Variants in MON2 observed in about 807,000 individuals in gnomAD.
MON2 encodes protein MON2 homolog.
In MON2, 84 loss-of-function variants were observed where a neutral mutation model predicts 208.6. The observed-to-expected ratio is 0.40, with a 90% CI of 0.34 to 0.48. The LOEUF is 0.48. MON2 is among the 20% of genes least tolerant of loss of function. MON2 has a pLI of 0.59. For synonymous variants in MON2, 660 were observed against 694.0 expected (o/e 0.95, Z 0.77); for missense variants, 1,611 against 2,015.4 (o/e 0.80, Z 3.84).
At chr12:62,532,143 A>G (rs1159288448) in intron 11 of MON2, among the ~76,000 whole-genome samples, 4 of 152,144 alleles carry the variant, frequency 2.6e-5, no homozygotes, top group Non-Finnish European at 5.9e-5. Context: ...TGTCAGTCTT[A>G]ATTTTTCTAA....
chr12:62,519,661 T>G (rs1179301010), intron 8 of MON2, among the ~76,000 whole-genome samples: 1 of 152,268 alleles, frequency 6.6e-6, no homozygotes, highest in Non-Finnish European at 1.5e-5. Flanking sequence ...ATCTTTTGTC[T>G]TCATTCTGTT....
At chr12:62,520,945 AAATC>A (rs1419579781) in intron 8 of MON2, among the ~76,000 whole-genome samples, 2 of 149,684 alleles carry the variant, frequency 1.3e-5, no homozygotes, top group Admixed American at 6.7e-5. Context: ...AGATTTAACA[AAATC>A]AATCTATTTT....
intron 5 of MON2, among the ~76,000 whole-genome samples, chr12:62,500,457 T>C (rs960374073): frequency 2.0e-5 from 3 of 152,178 alleles, no homozygotes; most frequent in Admixed American, 6.5e-5. Context: ...TAAAAGCACA[T>C]TTAAAGATCA....
intron 1 of MON2, among the ~76,000 whole-genome samples, chr12:62,469,695 G>T (rs1045278563): frequency 6.6e-6 from 1 of 152,100 alleles, no homozygotes; most frequent in East Asian, 1.9e-4. Flanking sequence ...AAATTAATAA[G>T]AGTGCCAGAT....
chr12:62,545,918 T>C (rs2136278383), intron 21 of MON2, among the ~76,000 whole-genome samples: 1 of 152,336 alleles, frequency 6.6e-6, no homozygotes, highest in Non-Finnish European at 1.5e-5. Context: ...TATTTTGATA[T>C]CCTCAATGTC....
chr12:62,489,956 A>G, intron 2 of MON2: 1 of 876,286 alleles, frequency 1.1e-6, no homozygotes, highest in Admixed American at 4.1e-5. Context: ...TGGCTGTTAA[A>G]ATTTTTCACA....
intron 8 of MON2, among the ~76,000 whole-genome samples, chr12:62,517,529 GTGGGACTCTCATGA>G (rs1405501302): frequency 1.3e-5 from 2 of 152,124 alleles, no homozygotes; most frequent in African/African-American, 2.4e-5. Context: ...AGGCATGAGG[GTGGGACTCTCATGA>G]TGGGATTAGT....
intron 2 of MON2, among the ~76,000 whole-genome samples, chr12:62,491,040 T>C (rs572590074): frequency 6.6e-6 from 1 of 152,192 alleles, no homozygotes; most frequent in Non-Finnish European, 1.5e-5. Flanking sequence ...GTTGTAGTTA[T>C]CTTTTTCAAT....
At position 62,547,177 on chromosome 12, in the gene MON2, C is replaced by T. The variant is rs2073524295; in HGVS notation, c.2753+105C>T. On this transcript the variant is annotated intron_variant, in intron 22 of 34. Coordinates refer to ENST00000393630, the MANE Select transcript of MON2 (RefSeq NM_015026.3). ...GATAGAGGTAGAGAAGGACTCCATC[C>T]TAAAATCTTGAAATAGTGGTTATTT... 6 of 735,972 alleles carry T rather than the reference C, an allele frequency of 8.2e-6. No homozygotes were observed. The East Asian group carries it at 2.1e-4, about 25-fold the overall frequency. 45.6% of individuals were successfully genotyped at this position (735,972 alleles called of 1,614,324 possible). A position where few individuals can be genotyped will look rare whatever the true frequency, so the allele number is the denominator to read the frequency against.
rs1322628892 is a variant in MON2, at chr12:62,594,847, GC to G, written c.*2103del. Reference sequence around the variant, plus strand: ...AGTCTTAGTGTGAAGCAAGTGGGTGGCCCCCTTGGTAGTATAATTGGACAGG... The same window carrying G: ...AGTCTTAGTGTGAAGCAAGTGGGTGGCCCCTTGGTAGTATAATTGGACAGG... On this transcript the variant is annotated 3_prime_UTR_variant, in exon 35 of 35. Coordinates refer to ENST00000393630, the MANE Select transcript of MON2 (RefSeq NM_015026.3). The G allele has an allele frequency of 6.6e-6, 1 of 152,064 alleles. No homozygotes were observed. Among genetic ancestry groups the G allele is most frequent in the Non-Finnish European group, 1.5e-5 (1 of 68,006 alleles). 9.4% of individuals were successfully genotyped at this position (152,064 alleles called of 1,614,324 possible).
At chr12:62,547,318 A>G (rs1440798420) in intron 22 of MON2, among the ~76,000 whole-genome samples, 1 of 152,154 alleles carries the variant, frequency 6.6e-6, no homozygotes, top group Admixed American at 6.6e-5. Flanking sequence ...AAAGATGGAA[A>G]AATTGCTCTT....
chr12:62,535,516 T>A lies in MON2; in HGVS notation c.1716-9T>A. 1 of 1,568,188 alleles carries A rather than the reference T, an allele frequency of 6.4e-7. No homozygotes were observed. Among genetic ancestry groups the A allele is most frequent in the Non-Finnish European group, 8.6e-7 (1 of 1,160,750 alleles). ...GTTAATCAGATTAAATAAAATACTT[T>A]CTTTTCAGCACAGATGAAGCTGCCA... On this transcript the variant is annotated splice_polypyrimidine_tract_variant and intron_variant, in intron 13 of 34. Coordinates refer to ENST00000393630, the MANE Select transcript of MON2 (RefSeq NM_015026.3).
At chr12:62,564,261 A>C (rs933788844) in intron 26 of MON2, among the ~76,000 whole-genome samples, 1 of 152,126 alleles carries the variant, frequency 6.6e-6, no homozygotes, top group Non-Finnish European at 1.5e-5. Context: ...GGAGTGCATA[A>C]AATAAATTTT....
At chr12:62,556,228 T>G (rs2073960398) in intron 25 of MON2, 36 bp downstream of exon 25, 2 of 1,583,896 alleles carry the variant, frequency 1.3e-6, no homozygotes, top group Admixed American at 1.7e-5. Context: ...TACAAGTAAT[T>G]AATGTTAAAA....
rs547002548 is a variant in MON2 at position 62,496,624 on chromosome 12, T to C, written c.435+1477T>C. On this transcript the variant is annotated intron_variant, in intron 4 of 34. Coordinates refer to ENST00000393630, the MANE Select transcript of MON2 (RefSeq NM_015026.3). ...TGGAAGGATAAATAGGAGAAAATCTTTGTGATACTGGGGTAGGTAAAGATT... is the reference window on the plus strand; with the variant it reads ...TGGAAGGATAAATAGGAGAAAATCTCTGTGATACTGGGGTAGGTAAAGATT... Among the ~76,000 whole-genome samples, 3 of 152,354 alleles carry C rather than the reference T, an allele frequency of 2.0e-5. No homozygotes were observed. The East Asian group carries it at 5.8e-4, about 29-fold the overall frequency.
At chr12:62,575,427 A>T (rs1385304723) in intron 30 of MON2, among the ~76,000 whole-genome samples, 1 of 152,222 alleles carries the variant, frequency 6.6e-6, no homozygotes, top group African/African-American at 2.4e-5. Flanking sequence ...TTAATGCCAC[A>T]TATGTACTAT....
chr12:62,477,113 G>A (rs1254998904), intron 1 of MON2, among the ~76,000 whole-genome samples: 1 of 152,112 alleles, frequency 6.6e-6, no homozygotes, highest in Non-Finnish European at 1.5e-5. Flanking sequence ...AGGCGTCACT[G>A]TACTGGGTAG....
intron 3 of MON2, among the ~76,000 whole-genome samples, chr12:62,494,569 TAAAC>T (rs1482044709): frequency 1.3e-5 from 2 of 152,234 alleles, no homozygotes; most frequent in African/African-American, 2.4e-5. Context: ...TGTATCATCT[TAAAC>T]AATGTCAGAT....
chr12:62,471,564 TTA>T (rs776716714), intron 1 of MON2, among the ~76,000 whole-genome samples: 5 of 152,184 alleles, frequency 3.3e-5, no homozygotes, highest in Non-Finnish European at 7.3e-5. Context: ...GGTTTGGCAC[TTA>T]AGAGGGAAGT....
Sources: allele counts gnomAD v4.1 joint callset (sites outside exome capture counted in the v4.1 genomes callset), GRCh38; gene constraint gnomAD v4.1.1; transcripts MANE v1.5; gene names NCBI Gene and HGNC (gene_info 2026-07-23, HGNC 2026-07-21).